CPAMD8: variants seen among roughly 807,000 people sequenced by gnomAD.
CPAMD8 encodes the protein C3 and PZP like alpha-2-macroglobulin domain containing 8, also known as C3 and PZP-like alpha-2-macroglobulin domain-containing protein 8.
CPAMD8 carries 146 observed loss-of-function variants against 224.7 expected under a neutral mutation model. The ratio of observed to expected loss-of-function variants is 0.65; its 90% CI spans 0.57 to 0.75. The LOEUF is 0.75. Ranked by LOEUF, CPAMD8 falls within the 30% of genes least tolerant of loss-of-function variation. The pLI is 0.00. For synonymous variants in CPAMD8, 966 were observed against 1,044.6 expected (o/e 0.92, Z 1.45); for missense variants, 2,301 against 2,537.5 (o/e 0.91, Z 2.00).
intron 29 of CPAMD8, among the ~76,000 whole-genome samples, chr19:16,911,464 C>T (rs981623508): frequency 1.8e-4 from 27 of 151,900 alleles, no homozygotes; most frequent in African/African-American, 4.4e-4. Flanking sequence ...CAGGTTCAAG[C>T]GATTCTCCTG....
At chr19:16,895,115 A>C (rs1326825989) in intron 41 of CPAMD8, 3 of 152,870 alleles carry the variant, frequency 2.0e-5, no homozygotes, top group Non-Finnish European at 1.5e-5. Context: ...CTCGTTTGAA[A>C]AATAAAAGAA....
chr19:16,928,829 T>G, intron 24 of CPAMD8, 113 bp downstream of exon 24: 4 of 793,544 alleles, frequency 5.0e-6, no homozygotes, highest in Non-Finnish European at 7.8e-6. Context: ...TGGTGCTCCA[T>G]GTTTCCCTTG....
At chr19:16,992,507 A>T (rs1200103137) in intron 12 of CPAMD8, among the ~76,000 whole-genome samples, 6 of 152,136 alleles carry the variant, frequency 3.9e-5, no homozygotes. Context: ...GCTGGGGTGC[A>T]GTGGCGCAAT....
intron 22 of CPAMD8, among the ~76,000 whole-genome samples, chr19:16,943,524 T>TC (rs1283691558): frequency 1.3e-5 from 2 of 152,016 alleles, no homozygotes; most frequent in African/African-American, 2.4e-5. Flanking sequence ...TGCCTCAGCC[T>TC]CCCAAAGCAC....
chr19:17,010,928 C>T (rs762193949), intron 5 of CPAMD8, among the ~76,000 whole-genome samples: 6 of 151,908 alleles, frequency 3.9e-5, no homozygotes, highest in African/African-American at 7.3e-5. Flanking sequence ...GAGGCTAAGG[C>T]AGGAGAATCG....
At chr19:17,022,598 AAGGGATTCTCGT>A (rs1442598955) in intron 1 of CPAMD8, among the ~76,000 whole-genome samples, 1 of 151,728 alleles carries the variant, frequency 6.6e-6, no homozygotes, top group Non-Finnish European at 1.5e-5. Context: ...TCCCGGGTTC[AAGGGATTCTCGT>A]GCCTTAGCCT....
chr19:16,951,854 G>C, intron 20 of CPAMD8, 115 bp downstream of exon 20: 1 of 687,104 alleles, frequency 1.5e-6, no homozygotes, highest in Non-Finnish European at 2.5e-6. Context: ...AGAGGCTCTC[G>C]CCCTCCTAAA....
intron 13 of CPAMD8, among the ~76,000 whole-genome samples, chr19:16,987,319 A>T (rs57537005): frequency 0.03 from 4,542 of 150,928 alleles, 228 homozygotes; most frequent in African/African-American, 0.1. Context: ...ACTGCCCACA[A>T]CACTGATGTG....
intron 23 of CPAMD8, among the ~76,000 whole-genome samples, chr19:16,929,966 G>C (rs60887063): frequency 6.6e-6 from 1 of 151,956 alleles, no homozygotes; most frequent in Non-Finnish European, 1.5e-5. Flanking sequence ...ATACAGACAC[G>C]CAAAGGACCT....
intron 39 of CPAMD8, chr19:16,897,456 C>A (rs2052064283): frequency 1.1e-5 from 6 of 551,496 alleles, no homozygotes; most frequent in Admixed American, 3.5e-5. Context: ...ATTCCCCAGC[C>A]ACTTCCCTTC....
chr19:17,002,319 C>A lies in CPAMD8; in HGVS notation c.705G>T (p.Pro235=), dbSNP rs773907220. 6.2e-7 allele frequency: 1 copy of A among 1,606,490 alleles called. No individual in the cohort carries two copies. Among genetic ancestry groups the A allele is most frequent in the Non-Finnish European group, 8.5e-7 (1 of 1,175,702 alleles). ...VLPKFELLID[P]PRYIQDLDAC... ...CGTCCAGGTCTTGGATATACCGGGG[C>A]GGGTCAATCAGAAGCTCAAACTTGG... The change falls in exon 9 of 42, where the codon CCG becomes CCT. Residue 235 remains proline (P), a synonymous_variant. Coordinates refer to ENST00000443236, the MANE Select transcript of CPAMD8 (RefSeq NM_015692.5).
intron 29 of CPAMD8, among the ~76,000 whole-genome samples, chr19:16,909,070 C>A (rs2052627935): frequency 6.6e-6 from 1 of 152,172 alleles, no homozygotes; most frequent in African/African-American, 2.4e-5. Context: ...TGCCCCCCAG[C>A]TCATCTGATT....
At chr19:16,906,881 T>G in intron 30 of CPAMD8, 71 bp downstream of exon 30, 6 of 1,393,826 alleles carry the variant, frequency 4.3e-6, no homozygotes, top group South Asian at 1.2e-5. Flanking sequence ...AATATGTTCA[T>G]GAGTTGTTTA....
intron 17 of CPAMD8, among the ~76,000 whole-genome samples, chr19:16,973,537 C>T (rs778051344): frequency 3.3e-5 from 5 of 151,604 alleles, no homozygotes; most frequent in Non-Finnish European, 5.9e-5. Flanking sequence ...TTAGTAGAGA[C>T]GGGGTTTCAC....
intron 36 of CPAMD8, among the ~76,000 whole-genome samples, chr19:16,900,511 T>C (rs1489843979): frequency 6.6e-6 from 1 of 151,970 alleles, no homozygotes; most frequent in Non-Finnish European, 1.5e-5. Context: ...GGCAGGAGAA[T>C]TGCTTGAACC....
At chr19:16,901,543 A>G (rs2052258449) in intron 35 of CPAMD8, among the ~76,000 whole-genome samples, 1 of 152,200 alleles carries the variant, frequency 6.6e-6, no homozygotes, top group Admixed American at 6.5e-5. Flanking sequence ...AGGTCTCTTG[A>G]CTAAGCATTG....
chr19:16,967,941 A>ATATACACACACACGTGTGTATATATGTG (rs2054916456), intron 18 of CPAMD8, among the ~76,000 whole-genome samples: 8 of 7,806 alleles, frequency 1.0e-3, no homozygotes, highest in African/African-American at 1.9e-3. Context: ...GTATATATAT[A>ATATACACACACACGTGTGTATATATGTG]CATGTTGCTC....
chr19:16,903,965 A>C, intron 32 of CPAMD8, 108 bp from the exon 33 acceptor site: 1 of 1,162,832 alleles, frequency 8.6e-7, no homozygotes, highest in South Asian at 1.4e-5. Context: ...ACGGGGCTGG[A>C]ATAGAGACTG....
chr19:16,945,674 C>T lies in CPAMD8; in HGVS notation c.2668G>A (p.Ala890Thr), dbSNP rs781372088. ...CAATTTGTGTCTCCGTAAGCAAGGG[C>T]TTTGGCTGCAGAAATTTGATGTCTT... ...DLGLNNITAK[A>T]LAYGDTNCCR... Residue 890 changes from alanine to threonine, a missense_variant, in exon 22 of 42, where the codon GCC becomes ACC. Transcript: ENST00000443236. The T allele has an allele frequency of 1.1e-5, 17 of 1,614,104 alleles. No individual in the cohort carries two copies. Among genetic ancestry groups the T allele is most frequent in the Middle Eastern group, 1.6e-4 (1 of 6,062 alleles).
Sources: gnomAD v4.1 joint callset for allele counts (sites outside exome capture counted in the v4.1 genomes callset) on GRCh38, gnomAD v4.1.1 for gene constraint, MANE v1.5 for transcripts, NCBI Gene and HGNC (gene_info 2026-07-23, HGNC 2026-07-21) for gene names.